Variants in ZNF536 observed in about 807,000 individuals in gnomAD.
The protein encoded by ZNF536 is zinc finger protein 536.
In ZNF536, 13 loss-of-function variants were observed where a neutral mutation model predicts 84.5. The ratio of observed to expected loss-of-function variants is 0.15; its 90% CI spans 0.10 to 0.24. ZNF536 has a LOEUF of 0.24. Among genes scored for constraint, ZNF536 ranks in the 10% least tolerant of loss-of-function variants. The pLI is 1.00. For missense variants in ZNF536, 1,536 were observed against 1,747.5 expected (o/e 0.88, Z 2.16); for synonymous variants, 811 against 742.5 (o/e 1.09, Z -1.50).
At chr19:30,336,879 T>C (rs1018837780) in intron 2 of ZNF536, among the ~76,000 whole-genome samples, 4 of 152,204 alleles carry the variant, frequency 2.6e-5, no homozygotes, top group Non-Finnish European at 5.9e-5. Context: ...CTGTGTGGGC[T>C]GCTTTCAAAA....
chr19:30,554,362 A>AT (rs2045894536), intron 4 of ZNF536: 2 of 144,104 alleles, frequency 1.4e-5, no homozygotes, highest in South Asian at 4.3e-4. Context: ...GGTTCAAGCG[A>AT]TTCTCCTGCC....
intron 2 of ZNF536, among the ~76,000 whole-genome samples, chr19:30,301,223 G>T (rs1402647874): frequency 6.6e-6 from 1 of 152,144 alleles, no homozygotes; most frequent in Non-Finnish European, 1.5e-5. Context: ...CATAGAGCAG[G>T]GAAACCGGCG....
At chr19:30,484,217 C>T (rs1328699682) in intron 2 of ZNF536, among the ~76,000 whole-genome samples, 2 of 150,062 alleles carry the variant, frequency 1.3e-5, no homozygotes, top group African/African-American at 4.9e-5. Context: ...GGTGTTTTCT[C>T]TCATTTTGAT....
chr19:30,649,447 A>C (rs765411199), intron 1 of ZNF536, among the ~76,000 whole-genome samples: 1 of 152,186 alleles, frequency 6.6e-6, no homozygotes, highest in Non-Finnish European at 1.5e-5. Flanking sequence ...TAGCAGGAAG[A>C]AAAAAGCATT....
intron 1 of ZNF536, among the ~76,000 whole-genome samples, chr19:30,576,017 C>T (rs191214123): frequency 6.6e-5 from 10 of 152,298 alleles, no homozygotes; most frequent in East Asian, 3.9e-4. Context: ...GAGAAGGGCT[C>T]GGCTCATGGT....
At chr19:30,460,031 C>T (rs2053060433) in intron 2 of ZNF536, among the ~76,000 whole-genome samples, 2 of 152,204 alleles carry the variant, frequency 1.3e-5, no homozygotes, top group South Asian at 2.1e-4. Context: ...CATGGACTTA[C>T]CTCATAGTAG....
At chr19:30,447,513 T>C (rs1221376561) in intron 2 of ZNF536, among the ~76,000 whole-genome samples, 4 of 152,214 alleles carry the variant, frequency 2.6e-5, no homozygotes, top group Non-Finnish European at 5.9e-5. Flanking sequence ...TTGGGATTTA[T>C]TACGGATGAG....
At chr19:30,628,089 T>C (rs1206281963) in intron 1 of ZNF536, among the ~76,000 whole-genome samples, 1 of 152,184 alleles carries the variant, frequency 6.6e-6, no homozygotes, top group African/African-American at 2.4e-5. Flanking sequence ...TGGAAGGCTT[T>C]CTGCACGAGG....
intron 2 of ZNF536, among the ~76,000 whole-genome samples, chr19:30,527,219 CTTT>C (rs56404227): frequency 6.8e-4 from 72 of 106,144 alleles, no homozygotes; most frequent in African/African-American, 2.6e-3. Context: ...ACCCAGCCTC[CTTT>C]TTTTTTTTTT....
chr19:30,329,686 C>T (rs763953971), intron 2 of ZNF536, among the ~76,000 whole-genome samples: 1 of 152,202 alleles, frequency 6.6e-6, no homozygotes, highest in Non-Finnish European at 1.5e-5. Flanking sequence ...CCCTCTCCCT[C>T]TCTGCACCCA....
intron 1 of ZNF536, among the ~76,000 whole-genome samples, chr19:30,638,263 C>G (rs2049144483): frequency 6.6e-6 from 1 of 152,238 alleles, no homozygotes; most frequent in Non-Finnish European, 1.5e-5. Context: ...AAGGTCTTAA[C>G]ATCTCACACT....
At chr19:30,303,731 G>A (rs2046261899) in intron 2 of ZNF536, among the ~76,000 whole-genome samples, 1 of 152,136 alleles carries the variant, frequency 6.6e-6, no homozygotes, top group Admixed American at 6.5e-5. Flanking sequence ...TCTAAGTCCT[G>A]ATCCACTTGC....
At chr19:30,450,336 G>C (rs2148300619) in intron 2 of ZNF536, among the ~76,000 whole-genome samples, 1 of 152,188 alleles carries the variant, frequency 6.6e-6, no homozygotes, top group East Asian at 1.9e-4. Context: ...GGGGAGAGGG[G>C]AGCTGGCTGC....
At chr19:30,309,866 T>C (rs1347393174) in intron 2 of ZNF536, among the ~76,000 whole-genome samples, 2 of 152,090 alleles carry the variant, frequency 1.3e-5, no homozygotes, top group Non-Finnish European at 2.9e-5. Context: ...GTGATGAAAG[T>C]TTTTCCTTCC....
intron 2 of ZNF536, among the ~76,000 whole-genome samples, chr19:30,517,789 TAATA>T (rs1042130850): frequency 2.0e-5 from 3 of 151,930 alleles, no homozygotes; most frequent in African/African-American, 7.3e-5. Flanking sequence ...CTCAAAAAAA[TAATA>T]AATACATACA....
intron 1 of ZNF536, among the ~76,000 whole-genome samples, chr19:30,278,786 A>T (rs902071868): frequency 1.3e-5 from 2 of 151,904 alleles, no homozygotes; most frequent in Admixed American, 1.3e-4. Flanking sequence ...GCTTACTTAC[A>T]CACCTGCAGC....
In ZNF536 at chr19:30,537,264, A is replaced by C. The variant is rs573486166; in HGVS notation, c.2323+2265A>C. On this transcript the variant is annotated intron_variant, in intron 3 of 4. Coordinates refer to ENST00000355537, the MANE Select transcript of ZNF536 (RefSeq NM_014717.3). ...ACATCTGGTTTTCTCAGATGATGCC[A>C]ATGTCCATTTTCCTCCCCAGATTGG... 4.0e-3 allele frequency among the ~76,000 whole-genome samples: 609 copies of C among 152,200 alleles called. 3 individuals carry two copies. Among genetic ancestry groups the C allele is most frequent in the African/African-American group, 0.014 (583 of 41,518 alleles).
At position 30,445,168 on chromosome 19, in the gene ZNF536, G is replaced by A. The variant is rs2148213911; in HGVS notation, c.1606G>A (p.Gly536Ser). The A allele has an allele frequency of 1.9e-6, 3 of 1,614,142 alleles. No individual in the cohort carries two copies. The highest frequency in any genetic ancestry group is 2.2e-5 in the East Asian group (1 of 44,842). The change falls in exon 2 of 5, where the codon GGC becomes AGC. Residue 536 changes from glycine to serine, a missense_variant. By Grantham distance (56) the Gly-to-Ser change is moderately conservative. Around this residue, in one of 8 missense-constraint regions of ZNF536, gnomAD observed 366 missense variants for 364.4 expected, o/e 1.00. Transcript: ENST00000355537. This position sits in a 1 kb window ranked among gnomAD's most constrained non-coding sequence, Gnocchi z 4.5. ...GGCCAGGGGCATGGCCATGGAACAT[G>A]GCTTCTTGTCTAAAGAGCATCCGCT... ...LMARGMAMEH[G>S]FLSKEHPLQR...
At chr19:30,420,306 G>C (rs1251517385) in intron 1 of ZNF536, among the ~76,000 whole-genome samples, 1 of 152,162 alleles carries the variant, frequency 6.6e-6, no homozygotes, top group African/African-American at 2.4e-5. Flanking sequence ...TTATGTCTTG[G>C]AAGACCCCAC....
Sources: gnomAD v4.1 joint callset for allele counts (sites outside exome capture counted in the v4.1 genomes callset) on GRCh38, gnomAD v4.1.1 for gene constraint, gnomAD v4.1.1 regional missense constraint, Gnocchi (gnomAD v3.1) non-coding constraint, MANE v1.5 for transcripts, NCBI Gene and HGNC (gene_info 2026-07-23, HGNC 2026-07-21) for gene names.